KAT7: variants seen among roughly 807,000 people sequenced by gnomAD.
KAT7 encodes lysine acetyltransferase 7.
KAT7 carries 10 observed loss-of-function variants against 82.1 expected under a neutral mutation model. That is an observed-to-expected ratio of 0.12 (90% CI 0.08 to 0.21). The LOEUF (loss-of-function observed/expected upper bound fraction) is 0.21. Ranked by LOEUF, KAT7 falls within the 10% of genes least tolerant of loss-of-function variation. The pLI is 1.00. For synonymous variants in KAT7, 250 were observed against 262.5 expected (o/e 0.95, Z 0.46); for missense variants, 378 against 760.9 (o/e 0.50, Z 5.92).
At chr17:49,809,454 T>G (rs1196871669) in intron 6 of KAT7, among the ~76,000 whole-genome samples, 3 of 152,228 alleles carry the variant, frequency 2.0e-5, no homozygotes, top group Non-Finnish European at 4.4e-5. Flanking sequence ...TAGTAGATAA[T>G]TCTGATTATT....
chr17:49,818,645 T>C (rs2074263346), intron 9 of KAT7, among the ~76,000 whole-genome samples: 1 of 151,954 alleles, frequency 6.6e-6, no homozygotes, highest in African/African-American at 2.4e-5. Flanking sequence ...TGTTACAGAA[T>C]AAGCTTTGTC....
intron 11 of KAT7, 128 bp downstream of exon 11, chr17:49,821,918 T>TA (rs373603649): frequency 0.021 from 13,365 of 631,926 alleles, 138 homozygotes; most frequent in African/African-American, 0.083. Flanking sequence ...TTCCTTAAAT[T>TA]AAAAAAAAAA....
chr17:49,828,538 C>T lies in KAT7; in HGVS notation c.*1036C>T, dbSNP rs1256730159. On this transcript the variant is annotated 3_prime_UTR_variant, in exon 15 of 15. Transcript: ENST00000259021. ...GACTCAGCAAGGCAGAATGGCCACC[C>T]CTGCCAAAGTTTGCTTCTCTTTTCA... The T allele has an allele frequency of 1.3e-5, 2 of 152,584 alleles. No individual in the cohort carries two copies. Among genetic ancestry groups the T allele is most frequent in the Non-Finnish European group, 2.9e-5 (2 of 68,032 alleles). 9.5% of individuals were successfully genotyped at this position (152,584 alleles called of 1,614,324 possible). A position where few individuals can be genotyped will look rare whatever the true frequency, so the allele number is the denominator to read the frequency against.
At chr17:49,793,598 TG>T (rs2073916821) in intron 2 of KAT7, among the ~76,000 whole-genome samples, 1 of 148,448 alleles carries the variant, frequency 6.7e-6, no homozygotes, top group Non-Finnish European at 1.5e-5. Flanking sequence ...TTTTTTGAGA[TG>T]GAGTCTAGCT....
chr17:49,810,032 A>C (rs2074142129), intron 6 of KAT7, among the ~76,000 whole-genome samples: 1 of 152,234 alleles, frequency 6.6e-6, no homozygotes, highest in Non-Finnish European at 1.5e-5. Context: ...GGAGCCAAAC[A>C]GATGTGAATT....
chr17:49,826,993 C>G, intron 14 of KAT7, 194 bp downstream of exon 14: 2 of 493,158 alleles, frequency 4.1e-6, no homozygotes, highest in East Asian at 3.4e-5. Flanking sequence ...TGATAAGCTC[C>G]TGTCTCAAAT....
chr17:49,806,543 G>T (rs1054311947), intron 5 of KAT7, among the ~76,000 whole-genome samples: 32 of 152,156 alleles, frequency 2.1e-4, no homozygotes, highest in Non-Finnish European at 3.5e-4. Flanking sequence ...CCACATCTAT[G>T]TCAGAAGCAG....
rs1370978867 is a variant in KAT7 at position 49,834,481 on chromosome 17, G to A, written c.*6979G>A. The A allele has an allele frequency of 6.6e-6, 1 of 152,228 alleles. No individual in the cohort carries two copies. Among genetic ancestry groups the A allele is most frequent in the East Asian group, 1.9e-4 (1 of 5,198 alleles). The allele number at this position is 152,228 out of a possible 1,614,324, so 9.4% of individuals were successfully genotyped here. ...TCGAGATACTGCTCATCACCTGCCTGCTCCAGAATTCATGTGGCTTCTCAT... is the reference window on the plus strand; with the variant it reads ...TCGAGATACTGCTCATCACCTGCCTACTCCAGAATTCATGTGGCTTCTCAT... On this transcript the variant is annotated 3_prime_UTR_variant, in exon 15 of 15. Transcript: ENST00000259021.
chr17:49,795,071 G>A (rs1392949093), intron 2 of KAT7, among the ~76,000 whole-genome samples: 2 of 151,122 alleles, frequency 1.3e-5, no homozygotes, highest in Middle Eastern at 3.4e-3. Flanking sequence ...CTGACACCGC[G>A]CCCTGGCCTG....
chr17:49,801,516 GTC>G (rs1345697734), intron 4 of KAT7, among the ~76,000 whole-genome samples: 2 of 151,946 alleles, frequency 1.3e-5, no homozygotes, highest in African/African-American at 4.8e-5. Context: ...TTGAGGCAGA[GTC>G]TCACTCTGTC....
Position 49,788,709 on chromosome 17 carries a change from G to A in KAT7, c.-126G>A. 9.8e-7 allele frequency: 1 copy of A among 1,018,672 alleles called. No homozygotes were observed. The highest frequency in any genetic ancestry group is 1.7e-5 in the South Asian group (1 of 58,920). 63.1% of individuals were successfully genotyped at this position (1,018,672 alleles called of 1,614,324 possible). ...GAACGCTCCAGACGCTGAGAGGCAG[G>A]AGGCACTAGGGATCGTCCGCAGGAT... On this transcript the variant is annotated 5_prime_UTR_variant, in exon 1 of 15. Transcript: ENST00000259021.
In KAT7 at chr17:49,788,744, T is replaced by C. The variant is rs2073840234; in HGVS notation, c.-91T>C. On this transcript the variant is annotated 5_prime_UTR_variant, in exon 1 of 15. Coordinates refer to ENST00000259021, the MANE Select transcript of KAT7 (RefSeq NM_007067.5). ...GGATCGTCCGCAGGATTGGGACTGATACAGAGGCCGCCACGGAGCCCGCCG... is the reference window on the plus strand; with the variant it reads ...GGATCGTCCGCAGGATTGGGACTGACACAGAGGCCGCCACGGAGCCCGCCG... 1 of 1,430,576 alleles carries C rather than the reference T, an allele frequency of 7.0e-7. No homozygotes were observed. Among genetic ancestry groups the C allele is most frequent in the Non-Finnish European group, 9.5e-7 (1 of 1,049,002 alleles). 88.6% of individuals were successfully genotyped at this position (1,430,576 alleles called of 1,614,324 possible). A position where few individuals can be genotyped will look rare whatever the true frequency, so the allele number is the denominator to read the frequency against.
chr17:49,816,153 G>A (rs1463486155), intron 8 of KAT7, among the ~76,000 whole-genome samples: 1 of 152,032 alleles, frequency 6.6e-6, no homozygotes, highest in African/African-American at 2.4e-5. Flanking sequence ...GGAAGTACCA[G>A]TTTGGCTAGA....
rs75462066 is a variant in KAT7, at chr17:49,813,533, C to T, written c.852+1959C>T. Among the ~76,000 whole-genome samples the T allele has an allele frequency of 2.1e-4, 32 of 152,212 alleles. No homozygotes were observed. The East Asian group carries it at 6.0e-3, about 28-fold the overall frequency. Reference sequence around the variant, plus strand: ...ATATGCCAGACTATGCATAGTTGACCCTTCGTATCCATGGATTTTGTTCCT... The same window carrying T: ...ATATGCCAGACTATGCATAGTTGACTCTTCGTATCCATGGATTTTGTTCCT... On this transcript the variant is annotated intron_variant, in intron 7 of 14. Coordinates refer to ENST00000259021, the MANE Select transcript of KAT7 (RefSeq NM_007067.5).
chr17:49,827,009 T>C, intron 14 of KAT7: 1 of 481,504 alleles, frequency 2.1e-6, no homozygotes, highest in South Asian at 2.8e-5. Context: ...CAAATTTGGA[T>C]GACACAAGTT....
intron 4 of KAT7, among the ~76,000 whole-genome samples, chr17:49,803,611 A>T (rs2074053200): frequency 6.6e-6 from 1 of 150,808 alleles, no homozygotes; most frequent in Non-Finnish European, 1.5e-5. Flanking sequence ...TTTTTAGTAG[A>T]GACGGGGTTT....
chr17:49,808,830 A>G (rs746219087), intron 5 of KAT7, among the ~76,000 whole-genome samples: 23 of 152,234 alleles, frequency 1.5e-4, no homozygotes, highest in Non-Finnish European at 3.4e-4. Context: ...TAATTTATTT[A>G]TTGTACTTTG....
intron 12 of KAT7, among the ~76,000 whole-genome samples, chr17:49,824,329 T>A (rs2074341389): frequency 6.6e-6 from 1 of 152,194 alleles, no homozygotes; most frequent in South Asian, 2.1e-4. Flanking sequence ...AAATTGGAAT[T>A]CCTAGAATTA....
rs763783285 is a variant in KAT7 at position 49,791,863 on chromosome 17, T to G, written c.16-23T>G. 2.5e-6 allele frequency: 4 copies of G among 1,610,830 alleles called. No homozygotes were observed. In the Admixed American group the frequency reaches 6.7e-5, roughly 27 times the overall value. On this transcript the variant is annotated intron_variant, in intron 1 of 14. Transcript: ENST00000259021. ...CTCAGACCAAATGCTTCTGTGCTAA[T>G]ATCTGGATCTATGGTATTACAGAGG...
Sources: allele counts gnomAD v4.1 joint callset (sites outside exome capture counted in the v4.1 genomes callset), GRCh38; gene constraint gnomAD v4.1.1; transcripts MANE v1.5; gene names NCBI Gene and HGNC (gene_info 2026-07-23, HGNC 2026-07-21).